The following CNOT4 variants were observed in gnomAD, a reference collection of about 807,000 sequenced individuals.
CNOT4 encodes the protein CCR4-NOT transcription complex subunit 4.
CNOT4 carries 8 observed loss-of-function variants against 73.8 expected under a neutral mutation model. The ratio of observed to expected loss-of-function variants is 0.11; its 90% CI spans 0.06 to 0.20. The LOEUF (loss-of-function observed/expected upper bound fraction) is 0.20. CNOT4 is among the 10% of genes least tolerant of loss of function. The probability of loss-of-function intolerance (pLI) is 1.00; values close to 1 mark genes in which losing one functional copy is unlikely to be tolerated. For synonymous variants in CNOT4, 293 were observed against 321.1 expected (o/e 0.91, Z 0.94); for missense variants, 564 against 883.4 (o/e 0.64, Z 4.58).
chr7:135,471,789 G>A (rs1421367459), intron 1 of CNOT4, among the ~76,000 whole-genome samples: 3 of 152,184 alleles, frequency 2.0e-5, no homozygotes, highest in Middle Eastern at 3.4e-3. Flanking sequence ...TTGGCACTCC[G>A]CTAGCCAATA....
rs190906616 is a variant in CNOT4 at position 135,393,959 on chromosome 7, G to A, written c.1586C>T (p.Pro529Leu). Residue 529 changes from proline to leucine, a missense_variant, in exon 10 of 12, where the codon CCG becomes CTG. By Grantham distance (98) the Pro-to-Leu change is moderately conservative. Coordinates refer to ENST00000541284, the MANE Select transcript of CNOT4 (RefSeq NM_001190850.2). ...SNSNFLDLNL[P>L]PQHNTGLGGI... is the part of the protein sequence containing the mutation. ...TCCCAGACCTGTGTTGTGCTGTGGCGGGAGATTCAAGTCCAAGAAATTACT... is the reference window on the plus strand; with the variant it reads ...TCCCAGACCTGTGTTGTGCTGTGGCAGGAGATTCAAGTCCAAGAAATTACT... 131 of 1,612,736 alleles carry A rather than the reference G, an allele frequency of 8.1e-5. No individual in the cohort carries two copies. In the African/African-American group the frequency reaches 1.1e-3, roughly 14 times the overall value.
At chr7:135,371,619 T>C (rs1460386399) in intron 10 of CNOT4, among the ~76,000 whole-genome samples, 3 of 152,146 alleles carry the variant, frequency 2.0e-5, no homozygotes, top group African/African-American at 7.2e-5. Flanking sequence ...AATGTTCCTA[T>C]AAGGATCTAT....
intron 2 of CNOT4, among the ~76,000 whole-genome samples, chr7:135,432,249 G>A (rs1798895033): frequency 6.6e-6 from 1 of 152,102 alleles, no homozygotes; most frequent in Admixed American, 6.5e-5. Flanking sequence ...AAGAGTGAAA[G>A]GACAGTCTTT....
intron 10 of CNOT4, chr7:135,388,894 C>G (rs1796257421): frequency 6.2e-7 from 1 of 1,612,234 alleles, no homozygotes; most frequent in Non-Finnish European, 8.5e-7. Flanking sequence ...CTCTTCTTCC[C>G]CTGTGGAAAA....
chr7:135,469,664 G>C (rs184990560), intron 1 of CNOT4, among the ~76,000 whole-genome samples: 2 of 152,200 alleles, frequency 1.3e-5, no homozygotes, highest in Non-Finnish European at 2.9e-5. Context: ...CTATGGTCCA[G>C]GGGAAAATAG....
At position 135,471,247 on chromosome 7, in the gene CNOT4, A is replaced by G. The variant is rs528572769; in HGVS notation, c.-92-32824T>C. On this transcript the variant is annotated intron_variant, in intron 1 of 11. Coordinates refer to ENST00000541284, the MANE Select transcript of CNOT4 (RefSeq NM_001190850.2). ...GTGAGAAGACTGGGAGACAGTATGGAAACAGAGATAAGAGATTCTGATTAA... is the reference window on the plus strand; with the variant it reads ...GTGAGAAGACTGGGAGACAGTATGGGAACAGAGATAAGAGATTCTGATTAA... Among the ~76,000 whole-genome samples the G allele has an allele frequency of 2.6e-5, 4 of 152,254 alleles. No homozygotes were observed. The East Asian group carries it at 7.7e-4, about 29-fold the overall frequency.
At chr7:135,499,622 T>C (rs1803829137) in intron 1 of CNOT4, among the ~76,000 whole-genome samples, 1 of 150,212 alleles carries the variant, frequency 6.7e-6, no homozygotes. Flanking sequence ...ATGACACTCA[T>C]AAAGTCATCC....
At chr7:135,501,120 G>C (rs1803936721) in intron 1 of CNOT4, among the ~76,000 whole-genome samples, 1 of 151,854 alleles carries the variant, frequency 6.6e-6, no homozygotes, top group African/African-American at 2.4e-5. Context: ...AAGTAGCTGG[G>C]ATTACAGGGG....
At chr7:135,391,456 A>G (rs1796396926) in intron 10 of CNOT4, among the ~76,000 whole-genome samples, 2 of 152,172 alleles carry the variant, frequency 1.3e-5, no homozygotes, top group African/African-American at 2.4e-5. Context: ...TGAAAATCCA[A>G]AATAAACTCT....
chr7:135,475,368 A>G (rs1298841909), intron 1 of CNOT4, among the ~76,000 whole-genome samples: 1 of 152,222 alleles, frequency 6.6e-6, no homozygotes, highest in Admixed American at 6.5e-5. Flanking sequence ...GGTAAACTAC[A>G]GTGCTGTCTA....
intron 7 of CNOT4, among the ~76,000 whole-genome samples, chr7:135,402,142 C>T (rs538740606): frequency 2.8e-5 from 4 of 141,720 alleles, no homozygotes; most frequent in African/African-American, 1.0e-4. Flanking sequence ...CAGAGTCTTG[C>T]TCTGTTGCCC....
intron 1 of CNOT4, among the ~76,000 whole-genome samples, chr7:135,455,646 G>A (rs1049486455): frequency 4.0e-5 from 6 of 151,594 alleles, no homozygotes; most frequent in Non-Finnish European, 7.4e-5. Context: ...AGGCTGAGGC[G>A]GGCAGATTAC....
chr7:135,503,621 A>C (rs985299710), intron 1 of CNOT4, among the ~76,000 whole-genome samples: 4 of 152,244 alleles, frequency 2.6e-5, no homozygotes, highest in African/African-American at 4.8e-5. Context: ...TAACGTCTTT[A>C]TATCATTTTA....
intron 1 of CNOT4, among the ~76,000 whole-genome samples, chr7:135,495,783 C>T (rs1585734409): frequency 6.9e-6 from 1 of 145,822 alleles, no homozygotes; most frequent in Non-Finnish European, 1.5e-5. Flanking sequence ...ACATTCAGGG[C>T]TGGGTGGGAG....
intron 2 of CNOT4, among the ~76,000 whole-genome samples, chr7:135,429,576 G>A (rs1363472788): frequency 6.6e-6 from 1 of 151,998 alleles, no homozygotes; most frequent in East Asian, 1.9e-4. Flanking sequence ...CAAACATCCC[G>A]AGTCCACTTT....
intron 1 of CNOT4, among the ~76,000 whole-genome samples, chr7:135,498,518 T>C (rs1017081908): frequency 1.3e-5 from 2 of 152,200 alleles, no homozygotes; most frequent in African/African-American, 4.8e-5. Context: ...AGAATCAAAA[T>C]AGATTTGAAT....
At chr7:135,395,590 C>T (rs200164270) in intron 9 of CNOT4, 44 bp downstream of exon 9, 8 of 1,571,758 alleles carry the variant, frequency 5.1e-6, no homozygotes, top group East Asian at 2.3e-5. Flanking sequence ...GTCAACAATA[C>T]GTTAAGAGCA....
chr7:135,426,602 CAAA>C (rs35332719), intron 2 of CNOT4, among the ~76,000 whole-genome samples: 16 of 111,016 alleles, frequency 1.4e-4, no homozygotes, highest in East Asian at 2.5e-4. Flanking sequence ...GACTCCGTCT[CAAA>C]AAAAAAAAAA....
chr7:135,384,615 C>A (rs1048169379), intron 10 of CNOT4: 2 of 760,318 alleles, frequency 2.6e-6, no homozygotes, highest in East Asian at 2.4e-5. Context: ...ACCACATGCT[C>A]GTCTCAGGAG....
Sources: gnomAD v4.1 joint callset for allele counts (sites outside exome capture counted in the v4.1 genomes callset) on GRCh38, gnomAD v4.1.1 for gene constraint, MANE v1.5 for transcripts, NCBI Gene and HGNC (gene_info 2026-07-23, HGNC 2026-07-21) for gene names.